GRM8: variants seen among roughly 807,000 people sequenced by gnomAD.
GRM8 encodes the protein glutamate metabotropic receptor 8, also known as metabotropic glutamate receptor 8.
A neutral mutation model predicts 87.2 loss-of-function variants in GRM8; 47 were observed. That is an observed-to-expected ratio of 0.54 (90% CI 0.43 to 0.69). GRM8 has a LOEUF of 0.69. Among genes scored for constraint, GRM8 ranks in the 30% least tolerant of loss-of-function variants. The pLI is 0.00. For synonymous variants in GRM8, 396 were observed against 404.5 expected (o/e 0.98, Z 0.25); for missense variants, 1,019 against 1,139.2 (o/e 0.89, Z 1.52).
At chr7:126,712,047 C>T (rs1811161243) in intron 7 of GRM8, among the ~76,000 whole-genome samples, 1 of 152,200 alleles carries the variant, frequency 6.6e-6, no homozygotes, top group East Asian at 1.9e-4. Context: ...TTTGCTTTCA[C>T]AAGTTGGCTA....
At chr7:127,176,380 A>C (rs544688568) in intron 2 of GRM8, among the ~76,000 whole-genome samples, 1 of 152,356 alleles carries the variant, frequency 6.6e-6, no homozygotes, top group South Asian at 2.1e-4. Context: ...CAAGGTAAAC[A>C]AAAAGGTTGT....
chr7:126,541,445 G>T (rs1816527041), intron 8 of GRM8, among the ~76,000 whole-genome samples: 1 of 152,234 alleles, frequency 6.6e-6, no homozygotes, highest in South Asian at 2.1e-4. Context: ...GTGAGATCAT[G>T]AAGGGCCTTG....
chr7:127,051,591 T>C (rs1819479201), intron 3 of GRM8, among the ~76,000 whole-genome samples: 1 of 152,034 alleles, frequency 6.6e-6, no homozygotes, highest in African/African-American at 2.4e-5. Flanking sequence ...TTGTTAATTA[T>C]GGCACCATTT....
chr7:126,732,824 G>C (rs905847768), intron 7 of GRM8, among the ~76,000 whole-genome samples: 3 of 152,026 alleles, frequency 2.0e-5, no homozygotes, highest in Non-Finnish European at 2.9e-5. Context: ...ATTTTCTTAA[G>C]AATAGTTTAG....
rs1185150024 is a variant in GRM8 at position 126,533,596 on chromosome 7, T to C, written c.1786A>G (p.Ile596Val). ...VPVFVAILGI[I>V]ATTFVIVTFV... ...GTCACGATCACAAAGGTGGTGGCGA[T>C]GATTCCCAATATTGCAACAAACACA... Residue 596 changes from isoleucine to valine, a missense_variant, in exon 9 of 11, where the codon ATC becomes GTC. Coordinates refer to ENST00000339582, the MANE Select transcript of GRM8 (RefSeq NM_000845.3). The C allele has an allele frequency of 6.2e-7, 1 of 1,614,050 alleles. No homozygotes were observed. The highest frequency in any genetic ancestry group is 8.5e-7 in the Non-Finnish European group (1 of 1,180,000).
intron 8 of GRM8, among the ~76,000 whole-genome samples, chr7:126,550,069 C>T (rs1354167467): frequency 1.3e-5 from 2 of 151,734 alleles, no homozygotes; most frequent in Non-Finnish European, 2.9e-5. Context: ...AGAAAAATGA[C>T]AAATTGACAA....
intron 2 of GRM8, among the ~76,000 whole-genome samples, chr7:127,145,426 T>C (rs1421670657): frequency 1.3e-5 from 2 of 152,140 alleles, no homozygotes; most frequent in African/African-American, 4.8e-5. Context: ...CACAGTATAC[T>C]AAAGTATTTA....
intron 6 of GRM8, among the ~76,000 whole-genome samples, chr7:126,891,143 T>G (rs936454155): frequency 5.3e-5 from 8 of 152,028 alleles, no homozygotes; most frequent in African/African-American, 1.9e-4. Context: ...AATTTCCCAT[T>G]CCAAGAATCA....
At chr7:126,539,197 A>C (rs1816237629) in intron 8 of GRM8, among the ~76,000 whole-genome samples, 1 of 152,038 alleles carries the variant, frequency 6.6e-6, no homozygotes, top group Non-Finnish European at 1.5e-5. Context: ...CATTAACACC[A>C]AAAATAAAAT....
intron 3 of GRM8, among the ~76,000 whole-genome samples, chr7:126,917,714 G>T (rs1262245979): frequency 6.6e-6 from 1 of 152,020 alleles, no homozygotes; most frequent in Non-Finnish European, 1.5e-5. Context: ...TTGTCTCCTT[G>T]GTCATTAGGT....
intron 7 of GRM8, among the ~76,000 whole-genome samples, chr7:126,694,532 T>C (rs1234635704): frequency 6.6e-6 from 1 of 152,220 alleles, no homozygotes; most frequent in Non-Finnish European, 1.5e-5. Flanking sequence ...AGCTGTTACT[T>C]ACTCAATTTT....
chr7:127,105,916 G>A (rs1825762068), intron 3 of GRM8, among the ~76,000 whole-genome samples: 1 of 151,996 alleles, frequency 6.6e-6, no homozygotes, highest in African/African-American at 2.4e-5. Flanking sequence ...AAATGCCCAG[G>A]ACAGACATCA....
intron 9 of GRM8, among the ~76,000 whole-genome samples, chr7:126,483,205 A>G (rs980973538): frequency 5.7e-4 from 84 of 146,610 alleles, no homozygotes; most frequent in Middle Eastern, 3.9e-3. Context: ...ATGATGCATT[A>G]AAGAGATTTT....
chr7:127,141,153 G>A (rs1005436555), intron 2 of GRM8, among the ~76,000 whole-genome samples: 1 of 151,906 alleles, frequency 6.6e-6, no homozygotes, highest in African/African-American at 2.4e-5. Flanking sequence ...GGCCATATTA[G>A]GCCACTACCA....
chr7:126,972,931 T>A (rs1810578927), intron 3 of GRM8, among the ~76,000 whole-genome samples: 1 of 152,342 alleles, frequency 6.6e-6, no homozygotes, highest in East Asian at 1.9e-4. Context: ...CAAATGCAAT[T>A]TTATTTGTTA....
intron 2 of GRM8, among the ~76,000 whole-genome samples, chr7:127,222,691 T>C (rs1440369417): frequency 6.6e-6 from 1 of 152,216 alleles, no homozygotes; most frequent in African/African-American, 2.4e-5. Context: ...TGGCTATTCA[T>C]GTATAGTGCC....
intron 8 of GRM8, among the ~76,000 whole-genome samples, chr7:126,606,350 A>G (rs1585200230): frequency 1.3e-5 from 2 of 152,304 alleles, no homozygotes; most frequent in Admixed American, 1.3e-4. Flanking sequence ...ACATTTATAG[A>G]TCTCAGGTGT....
At position 126,461,234 on chromosome 7, in the gene GRM8, G is replaced by C. The variant is rs144752448; in HGVS notation, c.2431-14862C>G. Among the ~76,000 whole-genome samples the C allele has an allele frequency of 7.4e-3, 1,129 of 151,592 alleles. 16 individuals carry two copies. The highest frequency in any genetic ancestry group is 0.025 in the African/African-American group (1,053 of 41,438). ...CTCTAATCACCAGTCTGCTCCCAAA[G>C]TGATGCAGCTCAGACACAATATTCC... On this transcript the variant is annotated intron_variant, in intron 9 of 10. Coordinates refer to ENST00000339582, the MANE Select transcript of GRM8 (RefSeq NM_000845.3).
intron 7 of GRM8, among the ~76,000 whole-genome samples, chr7:126,766,953 G>A (rs969891230): frequency 2.0e-5 from 3 of 152,172 alleles, no homozygotes; most frequent in Admixed American, 6.6e-5. Flanking sequence ...CCTGCGAAGA[G>A]CAATGATATG....
Sources: gnomAD v4.1 joint callset for allele counts (sites outside exome capture counted in the v4.1 genomes callset) on GRCh38, gnomAD v4.1.1 for gene constraint, MANE v1.5 for transcripts, NCBI Gene and HGNC (gene_info 2026-07-23, HGNC 2026-07-21) for gene names.